TMC5: variants seen among roughly 807,000 people sequenced by gnomAD.
TMC5 encodes transmembrane channel-like protein 5.
In TMC5, 86 loss-of-function variants were observed where a neutral mutation model predicts 110.5. The observed-to-expected ratio is 0.78, with a 90% confidence interval of 0.65 to 0.93. The LOEUF is 0.93. Ranked by LOEUF, TMC5 falls within the 40% of genes least tolerant of loss-of-function variation. The pLI is 0.00. For missense variants in TMC5, 1,144 were observed against 1,222.8 expected (o/e 0.94, Z 0.96); for synonymous variants, 455 against 439.5 (o/e 1.04, Z -0.44).
intron 12 of TMC5, chr16:19,476,938 T>C (rs981238310): frequency 6.3e-6 from 1 of 158,942 alleles, no homozygotes; most frequent in Non-Finnish European, 1.4e-5. Flanking sequence ...GGGCATTAAG[T>C]GCTCCAGCTT....
At chr16:19,417,407 C>T (rs377031253), upstream of TMC5, among the ~76,000 whole-genome samples, 2 of 123,428 alleles carry the variant, frequency 1.6e-5, no homozygotes, top group Admixed American at 9.6e-5. Context: ...TGACAGAGGG[C>T]AACGCTGTCT....
intron 1 of TMC5, among the ~76,000 whole-genome samples, chr16:19,424,641 C>A (rs1157337478): frequency 6.6e-6 from 1 of 151,930 alleles, no homozygotes; most frequent in Non-Finnish European, 1.5e-5. Flanking sequence ...AAGAGTGAAA[C>A]TCTGTCTTAA....
At chr16:19,487,163 G>C in intron 16 of TMC5, 30 bp from the exon 17 acceptor site, 1 of 1,606,176 alleles carries the variant, frequency 6.2e-7, no homozygotes, top group Non-Finnish European at 8.5e-7. Context: ...TCCGGCTGCA[G>C]ATGGGAGGTG....
intron 20 of TMC5, among the ~76,000 whole-genome samples, chr16:19,496,153 G>A (rs1362216402): frequency 4.2e-4 from 34 of 81,380 alleles, no homozygotes; most frequent in Non-Finnish European, 3.6e-4. Context: ...GCAAGACTCC[G>A]TGTCAAAAAA....
chr16:19,419,076 C>A (rs1260839633), intron 1 of TMC5, among the ~76,000 whole-genome samples: 1 of 152,162 alleles, frequency 6.6e-6, no homozygotes, highest in African/African-American at 2.4e-5. Context: ...CGTATGCAAT[C>A]AGAGAGGTAT....
Position 19,474,265 on chromosome 16 carries a change from TCTC to T in TMC5, c.2082_2084del (p.Leu695del). ...AGATGCCACGGCACGAAGTCTACGT[TCTC>T]CTGATCCGGTAGGTGATGTGTCGCG... On this transcript the variant is annotated inframe_deletion, in exon 12 of 22. Coordinates refer to ENST00000542583, the MANE Select transcript of TMC5 (RefSeq NM_001261841.2). 1.2e-5 allele frequency: 19 copies of T among 1,613,970 alleles called. No homozygotes were observed. Among genetic ancestry groups the T allele is most frequent in the Non-Finnish European group, 1.5e-5 (18 of 1,179,922 alleles).
intron 15 of TMC5, among the ~76,000 whole-genome samples, chr16:19,486,626 T>G (rs4780810): frequency 2.0e-4 from 31 of 152,134 alleles, no homozygotes; most frequent in Middle Eastern, 3.4e-3. Context: ...ATTCACCCCC[T>G]CTTGGCCTCC....
At chr16:19,497,214 A>G in intron 21 of TMC5, 51 bp downstream of exon 21, 3 of 1,566,520 alleles carry the variant, frequency 1.9e-6, no homozygotes, top group Admixed American at 1.7e-5. Flanking sequence ...TTCTGGTGAA[A>G]TATCCTAAGA....
rs541352831 is a variant in TMC5 at position 19,454,210 on chromosome 16, G to A, written c.1048+4579G>A. Among the ~76,000 whole-genome samples, 7 of 152,200 alleles carry A rather than the reference G, an allele frequency of 4.6e-5. No individual in the cohort carries two copies. The South Asian group carries it at 6.2e-4, about 14-fold the overall frequency. ...TTACAGGCCCCTGCCACCACACCTG[G>A]ATAATTTTTGTATTTTCAGTAGACA... On this transcript the variant is annotated intron_variant, in intron 5 of 21. Coordinates refer to ENST00000542583, the MANE Select transcript of TMC5 (RefSeq NM_001261841.2).
At position 19,463,323 on chromosome 16, in the gene TMC5, C is replaced by G. The variant is rs748245755; in HGVS notation, c.1192C>G (p.Leu398Val). The change falls in exon 7 of 22, where the codon CTT becomes GTT. Residue 398 changes from leucine to valine, a missense_variant. Coordinates refer to ENST00000542583, the MANE Select transcript of TMC5 (RefSeq NM_001261841.2). ...KEKSKQTHRI[L>V]QLNCCIQCLN... The stretch of plus-strand genomic sequence containing the variant: ...AAAAAGCAAACAGACCCATCGTATC[C>G]TTCAGCTCAATTGCTGTATTCAGTG... 6.2e-7 allele frequency: 1 copy of G among 1,614,120 alleles called. No individual in the cohort carries two copies. Among genetic ancestry groups the G allele is most frequent in the East Asian group, 2.2e-5 (1 of 44,880 alleles).
intron 5 of TMC5, among the ~76,000 whole-genome samples, chr16:19,459,945 A>T (rs936178322): frequency 1.3e-5 from 2 of 149,500 alleles, no homozygotes; most frequent in Non-Finnish European, 1.5e-5. Flanking sequence ...AAAATAGAAG[A>T]GGTAGGGTGA....
chr16:19,467,762 G>A (rs903304455), intron 9 of TMC5, among the ~76,000 whole-genome samples: 1 of 151,948 alleles, frequency 6.6e-6, no homozygotes, highest in Non-Finnish European at 1.5e-5. Context: ...GATTACAGGC[G>A]TGAGCCACTG....
chr16:19,439,434 C>T (rs1482053651), intron 2 of TMC5, among the ~76,000 whole-genome samples: 1 of 152,164 alleles, frequency 6.6e-6, no homozygotes, highest in Non-Finnish European at 1.5e-5. Flanking sequence ...CACTGGTCCC[C>T]TCCCCCATAA....
At position 19,490,383 on chromosome 16, in the gene TMC5, T is replaced by C. The variant is rs893229265; in HGVS notation, c.2574-12T>C. ...TTGTGCTAGAGATGTTCTTCCATCT[T>C]TGTTTTACCAGATTGAAGCCTTCAG... On this transcript the variant is annotated splice_polypyrimidine_tract_variant and intron_variant, in intron 17 of 21. Transcript: ENST00000542583. The C allele has an allele frequency of 9.9e-6, 16 of 1,613,714 alleles. No homozygotes were observed. The East Asian group carries it at 1.3e-4, about 13-fold the overall frequency.
upstream of TMC5, among the ~76,000 whole-genome samples, chr16:19,416,212 G>A (rs1478553300): frequency 6.6e-6 from 1 of 150,922 alleles, no homozygotes; most frequent in African/African-American, 2.4e-5. Flanking sequence ...AAAGAGGAAC[G>A]GTAACTATAG....
At chr16:19,419,603 G>C (rs925084598) in intron 1 of TMC5, among the ~76,000 whole-genome samples, 2 of 151,436 alleles carry the variant, frequency 1.3e-5, no homozygotes, top group Non-Finnish European at 2.9e-5. Flanking sequence ...TAGGAGAGAC[G>C]GGGTTTCACC....
At position 19,483,647 on chromosome 16, in the gene TMC5, G is replaced by T. The variant is rs572997879; in HGVS notation, c.2363+2182G>T. Among the ~76,000 whole-genome samples the T allele has an allele frequency of 5.2e-4, 79 of 152,180 alleles. 1 individual carries two copies. The highest frequency in any genetic ancestry group is 9.2e-4 in the Admixed American group (14 of 15,280). On this transcript the variant is annotated intron_variant, in intron 15 of 21. Coordinates refer to ENST00000542583, the MANE Select transcript of TMC5 (RefSeq NM_001261841.2). ...TACAAAATTAGCCAGGCGTGGTGGT[G>T]CATGCCTGTAATCCCAGCTACTCAG...
chr16:19,469,637 C>A (rs768564495), intron 9 of TMC5, 44 bp from the exon 10 acceptor site: 3 of 1,610,124 alleles, frequency 1.9e-6, no homozygotes, highest in East Asian at 2.2e-5. Flanking sequence ...CTCCCAGTGA[C>A]GGCCATAATA....
chr16:19,413,424 T>G (rs1240911220), upstream of TMC5, among the ~76,000 whole-genome samples: 3 of 147,906 alleles, frequency 2.0e-5, no homozygotes, highest in African/African-American at 7.5e-5. Flanking sequence ...CTCGGGAGGC[T>G]GAGGCACAAG....
Sources: allele counts gnomAD v4.1 joint callset (sites outside exome capture counted in the v4.1 genomes callset), GRCh38; gene constraint gnomAD v4.1.1; transcripts MANE v1.5; gene names NCBI Gene and HGNC (gene_info 2026-07-23, HGNC 2026-07-21).